Variants in LRSAM1 observed in about 807,000 individuals in gnomAD.
LRSAM1 encodes the protein E3 ubiquitin-protein ligase LRSAM1.
A neutral mutation model predicts 118.1 loss-of-function variants in LRSAM1; 96 were observed. The ratio of observed to expected loss-of-function variants is 0.81; its 90% CI spans 0.69 to 0.96. LRSAM1 has a LOEUF of 0.96. LRSAM1 is among the 40% of genes least tolerant of loss of function. The probability of loss-of-function intolerance (pLI) is 0.00; values close to 1 mark genes in which losing one functional copy is unlikely to be tolerated. For synonymous variants in LRSAM1, 322 were observed against 364.2 expected, an observed-to-expected ratio of 0.88 and a Z score of 1.32; for missense variants, 804 against 915.5, an observed-to-expected ratio of 0.88 and a Z score of 1.57.
chr9:127,453,981 A>G, intron 2 of LRSAM1: 1 of 193,340 alleles, frequency 5.2e-6, no homozygotes, highest in Non-Finnish European at 1.1e-5. Flanking sequence ...AACTCGCTAG[A>G]AAGACACTGA....
chr9:127,487,608 G>C (rs1377900108), intron 17 of LRSAM1, 68 bp from the exon 18 acceptor site: 3 of 1,442,770 alleles, frequency 2.1e-6, no homozygotes, highest in African/African-American at 2.8e-5. Flanking sequence ...CTCCTCCAAG[G>C]GGCCTGGCAC....
At chr9:127,469,838 G>A (rs533062691) in intron 10 of LRSAM1, among the ~76,000 whole-genome samples, 5 of 151,954 alleles carry the variant, frequency 3.3e-5, no homozygotes, top group South Asian at 2.1e-4. Flanking sequence ...GGTGGCGGGC[G>A]CCTGTAGTCC....
intron 10 of LRSAM1, among the ~76,000 whole-genome samples, chr9:127,470,599 C>G (rs1308865898): frequency 6.6e-6 from 1 of 152,064 alleles, no homozygotes; most frequent in Non-Finnish European, 1.5e-5. Flanking sequence ...CCAGTCCAAC[C>G]TGGAAACAGC....
intron 18 of LRSAM1, among the ~76,000 whole-genome samples, 179 bp from the exon 19 acceptor site, chr9:127,489,265 G>A (rs1050364995): frequency 1.4e-4 from 22 of 152,320 alleles, no homozygotes; most frequent in African/African-American, 4.6e-4. Flanking sequence ...GAGGCTGCCC[G>A]AAGTGAGCCC....
Position 127,500,374 on chromosome 9 carries a change from A to AAAAAAAAAAAAAAG in LRSAM1, c.1913-635_1913-634insAAAAAAAAAAAAGA, listed in dbSNP as rs1306368505. ...AGACTGTCTCAAAAAAAAAAAAAAA[A>AAAAAAAAAAAAAAG]AGAGACTTAGCATTTTGTAAGGGCT... On this transcript the variant is annotated intron_variant, in intron 24 of 25. Transcript: ENST00000300417. 6.0e-5 allele frequency among the ~76,000 whole-genome samples: 9 copies of AAAAAAAAAAAAAAG among 150,634 alleles called. No individual in the cohort carries two copies. In the South Asian group the frequency reaches 6.3e-4, roughly 11 times the overall value.
In LRSAM1 at chr9:127,496,006, C is replaced by T. The variant is rs1316793739; in HGVS notation, c.1741C>T (p.Leu581=). The change falls in exon 23 of 26, where the codon CTG becomes TTG. Residue 581 remains leucine, a synonymous_variant. Coordinates refer to ENST00000300417, the MANE Select transcript of LRSAM1 (RefSeq NM_001005373.4). The part of the protein sequence containing the change: ...ERQLVALLEE[L]SAEHYLPIFA... Reference sequence around the variant, plus strand: ...CCAGCTGGTGGCCCTCCTGGAGGAGCTGTCGGCTGAGCACTACCTGCCCAT... The same window carrying T: ...CCAGCTGGTGGCCCTCCTGGAGGAGTTGTCGGCTGAGCACTACCTGCCCAT... 6.2e-7 allele frequency: 1 copy of T among 1,612,800 alleles called. No individual in the cohort carries two copies. Among genetic ancestry groups the T allele is most frequent in the Non-Finnish European group, 8.5e-7 (1 of 1,179,966 alleles).
intron 5 of LRSAM1, among the ~76,000 whole-genome samples, chr9:127,456,162 C>CAA (rs34459766): frequency 6.3e-5 from 6 of 94,744 alleles, no homozygotes; most frequent in East Asian, 6.9e-4. Flanking sequence ...TGAGAATATG[C>CAA]AAAAAAAAAA....
chr9:127,499,095 T>G (rs533530081), intron 24 of LRSAM1, among the ~76,000 whole-genome samples: 1 of 148,744 alleles, frequency 6.7e-6, no homozygotes, highest in Non-Finnish European at 1.5e-5. Context: ...ATATAGAAGC[T>G]GGGTGCAGTG....
At chr9:127,469,511 A>G (rs183340967) in intron 10 of LRSAM1, among the ~76,000 whole-genome samples, 115 of 152,156 alleles carry the variant, frequency 7.6e-4, no homozygotes, top group Middle Eastern at 3.4e-3. Context: ...GATAGCAAAC[A>G]GTATCTGAAA....
At chr9:127,462,515 A>G in intron 9 of LRSAM1, 142 bp downstream of exon 9, 1 of 1,312,880 alleles carries the variant, frequency 7.6e-7, no homozygotes, top group East Asian at 2.3e-5. Context: ...AGGCTTGTAG[A>G]GAGGCCAATG....
chr9:127,502,309 T>C (rs1427225514), intron 25 of LRSAM1, among the ~76,000 whole-genome samples: 1 of 152,218 alleles, frequency 6.6e-6, no homozygotes, highest in African/African-American at 2.4e-5. Flanking sequence ...AGGTTACCTG[T>C]TTCGGCCGTG....
At chr9:127,452,471 G>A (rs1834359909) in intron 2 of LRSAM1, among the ~76,000 whole-genome samples, 1 of 152,192 alleles carries the variant, frequency 6.6e-6, no homozygotes, top group Non-Finnish European at 1.5e-5. Context: ...CCATCCCTCT[G>A]AGGACTGGGT....
chr9:127,458,339 G>C, intron 6 of LRSAM1, among the ~76,000 whole-genome samples: 1 of 150,430 alleles, frequency 6.6e-6, no homozygotes, highest in East Asian at 1.9e-4. Context: ...CCGAGATTGC[G>C]CCACTGCAGT....
Position 127,489,456 on chromosome 9 carries a change from A to G in LRSAM1, c.1360A>G (p.Lys454Glu). ...GTCTGTGTTGCAGAGCGCGATGCAGAAGGCTGCGTTCGAGGCACTCCAGGT... is the reference window on the plus strand; with the variant it reads ...GTCTGTGTTGCAGAGCGCGATGCAGGAGGCTGCGTTCGAGGCACTCCAGGT... ...SQILQESAMQ[K>E]AAFEALQVKK... Residue 454 changes from lysine (K) to glutamate (E), a missense_variant, in exon 19 of 26, where the codon AAG becomes GAG. Coordinates refer to ENST00000300417, the MANE Select transcript of LRSAM1 (RefSeq NM_001005373.4). 3 of 1,608,738 alleles carry G rather than the reference A, an allele frequency of 1.9e-6. No individual in the cohort carries two copies. The highest frequency in any genetic ancestry group is 2.5e-6 in the Non-Finnish European group (3 of 1,178,296).
chr9:127,500,944 T>A lies in LRSAM1; in HGVS notation c.1913-66T>A, dbSNP rs146458859. ...ACCATGGGGATGGGCAGGGCCACAA[T>A]GAGCCCCCAGGGGTTAGGGTCAGCG... On this transcript the variant is annotated intron_variant, in intron 24 of 25. Transcript: ENST00000300417. The A allele has an allele frequency of 2.5e-6, 4 of 1,611,358 alleles. No individual in the cohort carries two copies. In the Admixed American group the frequency reaches 6.7e-5, roughly 27 times the overall value.
chr9:127,469,928 G>A (rs1196230836), intron 10 of LRSAM1, among the ~76,000 whole-genome samples: 1 of 152,158 alleles, frequency 6.6e-6, no homozygotes, highest in African/African-American at 2.4e-5. Flanking sequence ...TTGCGCCACT[G>A]CACTCCAGCC....
At position 127,460,872 on chromosome 9, in the gene LRSAM1, T is replaced by TC. The variant is rs1469434462; in HGVS notation, c.322-301_322-300insC. On this transcript the variant is annotated intron_variant, in intron 7 of 25. Transcript: ENST00000300417. ...CTTTTTTTTTTTTTTTTTTTTTTTT[T>TC]TGAGACGGAGTCTCACTCTGTTGCC... is the stretch of plus-strand genomic sequence containing the variant. 9.5e-3 allele frequency among the ~76,000 whole-genome samples: 1,340 copies of TC among 141,588 alleles called. 34 individuals carry two copies. The highest frequency in any genetic ancestry group is 0.036 in the African/African-American group (1,276 of 35,248). 92.9% of individuals were successfully genotyped at this position (141,588 alleles called of 152,430 possible). A position where few individuals can be genotyped will look rare whatever the true frequency, so the allele number is the denominator to read the frequency against.
intron 5 of LRSAM1, among the ~76,000 whole-genome samples, chr9:127,456,921 G>A (rs1834541652): frequency 6.6e-6 from 1 of 151,946 alleles, no homozygotes; most frequent in Admixed American, 6.6e-5. Context: ...ACTGAGCCCT[G>A]GCCCCTCTGC....
Position 127,457,237 on chromosome 9 carries a change from G to A in LRSAM1, c.175-79G>A, listed in dbSNP as rs1319207691. 6 of 1,531,870 alleles carry A rather than the reference G, an allele frequency of 3.9e-6. No homozygotes were observed. In the East Asian group the frequency reaches 9.1e-5, roughly 23 times the overall value. 94.9% of individuals were successfully genotyped at this position (1,531,870 alleles called of 1,614,324 possible). A position where few individuals can be genotyped will look rare whatever the true frequency, so the allele number is the denominator to read the frequency against. ...AGATGGTGGGGCGTGGCACGGCGCT[G>A]GGCTGGCTCCCACGCCCTTAGCCTG... On this transcript the variant is annotated intron_variant, in intron 5 of 25. Transcript: ENST00000300417.
Sources: gnomAD v4.1 joint callset for allele counts (sites outside exome capture counted in the v4.1 genomes callset) on GRCh38, gnomAD v4.1.1 for gene constraint, MANE v1.5 for transcripts, NCBI Gene and HGNC (gene_info 2026-07-23, HGNC 2026-07-21) for gene names.